VPS13A: variants seen among roughly 807,000 people sequenced by gnomAD.
VPS13A encodes intermembrane lipid transfer protein VPS13A.
In VPS13A, 264 loss-of-function variants were observed where a neutral mutation model predicts 390.9. That is an observed-to-expected ratio of 0.68 (90% CI 0.61 to 0.75). The LOEUF (loss-of-function observed/expected upper bound fraction) is 0.75, where lower values mean the gene tolerates loss of function less well. Among genes scored for constraint, VPS13A ranks in the 30% least tolerant of loss-of-function variants. The probability of loss-of-function intolerance (pLI) is 0.00; values close to 1 mark genes in which losing one functional copy is unlikely to be tolerated. For synonymous variants in VPS13A, 1,231 were observed against 1,227.1 expected, an observed-to-expected ratio of 1.00 and a Z score of -0.07; for missense variants, 3,409 against 3,733.9, an observed-to-expected ratio of 0.91 and a Z score of 2.27.
chr9:77,228,353 G>T (rs892802928), intron 17 of VPS13A, 89 bp downstream of exon 17: 24 of 1,280,892 alleles, frequency 1.9e-5, no homozygotes, highest in Admixed American at 5.2e-5. Context: ...CTTTTGTAAA[G>T]AGCACTATAG....
intron 1 of VPS13A, among the ~76,000 whole-genome samples, chr9:77,192,045 T>C (rs1824718529): frequency 6.6e-6 from 1 of 152,170 alleles, no homozygotes; most frequent in African/African-American, 2.4e-5. Context: ...GGTATATACG[T>C]ATTTAGGATA....
chr9:77,322,902 T>A (rs960175674), intron 44 of VPS13A, among the ~76,000 whole-genome samples, 165 bp from the exon 45 acceptor site: 3 of 152,098 alleles, frequency 2.0e-5, no homozygotes, highest in Non-Finnish European at 2.9e-5. Context: ...TGTGGAAATA[T>A]ATGCTGGCTT....
intron 34 of VPS13A, among the ~76,000 whole-genome samples, chr9:77,304,237 A>T: frequency 6.6e-6 from 1 of 152,346 alleles, no homozygotes; most frequent in East Asian, 1.9e-4. Context: ...ACAGCCCTAG[A>T]TCCCTTAAAC....
rs1047488381 is a variant in VPS13A, at chr9:77,182,955, A to G, written c.100+5151A>G. On this transcript the variant is annotated intron_variant, in intron 1 of 71. Transcript: ENST00000360280. ...AAAGATGAAGATTCAGTTAGGATAC[A>G]GTTTTCGATTTTTAAGGAGTCATTC... Among the ~76,000 whole-genome samples the G allele has an allele frequency of 2.0e-5, 3 of 152,322 alleles. No homozygotes were observed. The East Asian group carries it at 5.8e-4, about 29-fold the overall frequency.
Position 77,321,536 on chromosome 9 carries a change from G to A in VPS13A, c.5620G>A (p.Asp1874Asn). 1 of 1,613,468 alleles carries A rather than the reference G, an allele frequency of 6.2e-7. No homozygotes were observed. The highest frequency in any genetic ancestry group is 8.5e-7 in the Non-Finnish European group (1 of 1,179,616). ...ATGSSADFVK[D>N]LAPFMILNSL... Reference sequence around the variant, plus strand: ...TGGATCTTCAGCTGACTTCGTAAAGGATCTAGCACCATTTATGATTTTAAA... The same window carrying A: ...TGGATCTTCAGCTGACTTCGTAAAGAATCTAGCACCATTTATGATTTTAAA... Residue 1874 changes from aspartate (D) to asparagine (N), a missense_variant, in exon 44 of 72, where the codon GAT becomes AAT. Physicochemically the swap from Asp to Asn is conservative, Grantham distance 23. This residue lies in a region of VPS13A where 2,717 missense variants were observed against 2,917.4 expected (regional missense o/e 0.93). Transcript: ENST00000360280.
At chr9:77,226,632 A>G (rs773356789) in intron 15 of VPS13A, 34 bp downstream of exon 15, 1 of 1,597,118 alleles carries the variant, frequency 6.3e-7, no homozygotes, top group Non-Finnish European at 8.5e-7. Context: ...ATAGTTAATC[A>G]CTGGGTGTCA....
At chr9:77,288,658 T>A (rs1261264262) in intron 31 of VPS13A, among the ~76,000 whole-genome samples, 1 of 152,160 alleles carries the variant, frequency 6.6e-6, no homozygotes, top group Admixed American at 6.5e-5. Context: ...AATTTGTTGA[T>A]GTTTGTTTTA....
chr9:77,195,490 G>A (rs1824940063), intron 1 of VPS13A, among the ~76,000 whole-genome samples: 3 of 152,056 alleles, frequency 2.0e-5, no homozygotes, highest in East Asian at 1.9e-4. Flanking sequence ...TAATCCCAGC[G>A]TTCTGGGAGG....
intron 71 of VPS13A, among the ~76,000 whole-genome samples, chr9:77,408,238 A>C (rs190722388): frequency 1.2e-4 from 19 of 152,360 alleles, no homozygotes; most frequent in African/African-American, 4.1e-4. Flanking sequence ...GTCTGACCTC[A>C]TTGATCACAA....
At chr9:77,385,402 A>G (rs1385259155) in intron 68 of VPS13A, among the ~76,000 whole-genome samples, 1 of 151,926 alleles carries the variant, frequency 6.6e-6, no homozygotes, top group African/African-American at 2.4e-5. Flanking sequence ...TTTAATAGTC[A>G]TTATATTCAC....
At chr9:77,189,695 T>C (rs989755199) in intron 1 of VPS13A, among the ~76,000 whole-genome samples, 10 of 152,204 alleles carry the variant, frequency 6.6e-5, no homozygotes, top group Admixed American at 6.5e-4. Context: ...CTTTGGGCAG[T>C]ATGGACATTT....
chr9:77,187,929 T>C (rs1306263845), intron 1 of VPS13A, among the ~76,000 whole-genome samples: 1 of 152,174 alleles, frequency 6.6e-6, no homozygotes, highest in Non-Finnish European at 1.5e-5. Flanking sequence ...GTGTACTGGA[T>C]AGAGTTTGAA....
At chr9:77,344,001 G>C in intron 50 of VPS13A, 152 bp from the exon 51 acceptor site, 1 of 687,788 alleles carries the variant, frequency 1.5e-6, no homozygotes, top group East Asian at 3.0e-5. Context: ...CAAGTTGAAA[G>C]TTTACAGCTG....
chr9:77,208,194 G>A (rs1475720705), intron 5 of VPS13A, among the ~76,000 whole-genome samples: 1 of 152,064 alleles, frequency 6.6e-6, no homozygotes, highest in Non-Finnish European at 1.5e-5. Flanking sequence ...ATGATCCTCT[G>A]TCTTTAAAGA....
rs766854186 is a variant in VPS13A, at chr9:77,295,543, C to G, written c.3509C>G (p.Ala1170Gly). ...GAATATAATTCTGTTATCTTACAGG[C>G]TTTTATAGATAATTTTCAGGCAGCT... ...FVTKFLYSIL[A>G]FIDNFQAAKQ... The change falls in exon 33 of 72, where the codon GCT becomes GGT. Residue 1170 changes from alanine (A) to glycine (G), a missense_variant and splice_region_variant. Ala to Gly is a moderately conservative substitution (Grantham distance 60). This residue lies in a region of VPS13A where 2,717 missense variants were observed against 2,917.4 expected (regional missense o/e 0.93). Coordinates refer to ENST00000360280, the MANE Select transcript of VPS13A (RefSeq NM_033305.3). The G allele has an allele frequency of 1.9e-6, 3 of 1,605,094 alleles. No homozygotes were observed. In the South Asian group the frequency reaches 3.3e-5, roughly 18 times the overall value.
chr9:77,205,738 C>G (rs1825603430), intron 4 of VPS13A, among the ~76,000 whole-genome samples: 1 of 151,938 alleles, frequency 6.6e-6, no homozygotes, highest in Non-Finnish European at 1.5e-5. Flanking sequence ...ATTATAGGCG[C>G]CTGCCACCAC....
Position 77,391,677 on chromosome 9 carries a change from G to A in VPS13A, c.9189+9590G>A, listed in dbSNP as rs76740003. 1.6e-4 allele frequency among the ~76,000 whole-genome samples: 24 copies of A among 152,288 alleles called. 1 individual carries two copies. The East Asian group carries it at 4.2e-3, about 27-fold the overall frequency. On this transcript the variant is annotated intron_variant, in intron 68 of 71. Transcript: ENST00000360280. ...GTGGTACTTCAAGTCTAAGTAGTTT[G>A]AGTTAGAGATCTTATGAAGATGCAG... is the stretch of plus-strand genomic sequence containing the variant.
At chr9:77,214,212 G>A in intron 9 of VPS13A, 117 bp from the exon 10 acceptor site, 1 of 829,724 alleles carries the variant, frequency 1.2e-6, no homozygotes, top group Non-Finnish European at 2.1e-6. Flanking sequence ...TGAGACAGGG[G>A]TTGCAGTGAG....
Position 77,279,991 on chromosome 9 carries a change from T to C in VPS13A, c.2825-168T>C. The C allele has an allele frequency of 1.2e-5, 6 of 511,934 alleles. No homozygotes were observed. In the South Asian group the frequency reaches 1.3e-4, roughly 11 times the overall value. 31.7% of individuals were successfully genotyped at this position (511,934 alleles called of 1,614,324 possible). ...GAATTGTGAGGAGAAATTAAATTTTTAGAGTTTAAAGAACAAAGAAGTAAC... is the reference window on the plus strand; with the variant it reads ...GAATTGTGAGGAGAAATTAAATTTTCAGAGTTTAAAGAACAAAGAAGTAAC... On this transcript the variant is annotated intron_variant, in intron 26 of 71. Coordinates refer to ENST00000360280, the MANE Select transcript of VPS13A (RefSeq NM_033305.3).
Sources: gnomAD v4.1 joint callset for allele counts (sites outside exome capture counted in the v4.1 genomes callset) on GRCh38, gnomAD v4.1.1 for gene constraint, gnomAD v4.1.1 regional missense constraint, MANE v1.5 for transcripts, NCBI Gene and HGNC (gene_info 2026-07-23, HGNC 2026-07-21) for gene names.